The following MAP3K20 variants were observed in gnomAD, a reference collection of about 807,000 sequenced individuals.
MAP3K20 encodes mitogen-activated protein kinase kinase kinase 20.
A neutral mutation model predicts 85.7 loss-of-function variants in MAP3K20; 40 were observed. That is an observed-to-expected ratio of 0.47 (90% CI 0.36 to 0.61). The LOEUF (loss-of-function observed/expected upper bound fraction) is 0.61. Ranked by LOEUF, MAP3K20 falls within the 20% of genes least tolerant of loss-of-function variation. MAP3K20 has a pLI of 0.00. For synonymous variants in MAP3K20, 325 were observed against 327.7 expected (o/e 0.99, Z 0.09); for missense variants, 817 against 961.7 (o/e 0.85, Z 1.99).
intron 16 of MAP3K20, among the ~76,000 whole-genome samples, chr2:173,245,121 C>T (rs1684883653): frequency 2.0e-5 from 3 of 152,010 alleles, no homozygotes; most frequent in South Asian, 2.1e-4. Context: ...TTGAGAAGGA[C>T]CACCCACTAA....
At chr2:173,101,581 T>G (rs1046888538) in intron 2 of MAP3K20, among the ~76,000 whole-genome samples, 1 of 152,192 alleles carries the variant, frequency 6.6e-6, no homozygotes, top group African/African-American at 2.4e-5. Flanking sequence ...GCTAGGCTCT[T>G]GCTATTAGAA....
At chr2:173,244,203 G>A (rs2106341825) in intron 16 of MAP3K20, among the ~76,000 whole-genome samples, 1 of 152,246 alleles carries the variant, frequency 6.6e-6, no homozygotes, top group South Asian at 2.1e-4. Context: ...GTTATAAAGT[G>A]GTGGATCAAA....
chr2:173,218,379 C>T lies in MAP3K20; in HGVS notation c.987+1129C>T, dbSNP rs570904037. 5.4e-4 allele frequency among the ~76,000 whole-genome samples: 82 copies of T among 152,310 alleles called. 2 individuals carry two copies. Among genetic ancestry groups the T allele is most frequent in the African/African-American group, 1.8e-3 (76 of 41,570 alleles). On this transcript the variant is annotated intron_variant, in intron 11 of 19. Transcript: ENST00000375213. ...TTGGAAAAAAAGGACTTTGGTTCTC[C>T]AGGGAATTCCAAAATGAATTGAATT... is the stretch of plus-strand genomic sequence containing the variant.
intron 2 of MAP3K20, among the ~76,000 whole-genome samples, chr2:173,095,278 A>G (rs1302322718): frequency 6.6e-6 from 1 of 152,132 alleles, no homozygotes; most frequent in African/African-American, 2.4e-5. Flanking sequence ...AAGATGTACT[A>G]GGCTCATCTA....
intron 2 of MAP3K20, among the ~76,000 whole-genome samples, chr2:173,157,394 G>T (rs1689510029): frequency 6.8e-6 from 1 of 146,688 alleles, no homozygotes; most frequent in African/African-American, 2.6e-5. Context: ...TTTAGTTACT[G>T]TTTGTGCTGA....
intron 1 of MAP3K20, among the ~76,000 whole-genome samples, chr2:173,084,575 A>C (rs74265828): frequency 0.02 from 3,056 of 152,334 alleles, 55 homozygotes; most frequent in Admixed American, 0.041. Context: ...AAAGAATTAG[A>C]AAATAGGCAA....
At chr2:173,226,335 TA>T in intron 11 of MAP3K20, 1 of 984,798 alleles carries the variant, frequency 1.0e-6, no homozygotes, top group Non-Finnish European at 1.2e-6. Context: ...ATTAATACTT[TA>T]AAAAATTATT....
intron 7 of MAP3K20, among the ~76,000 whole-genome samples, chr2:173,192,433 G>T (rs541700917): frequency 6.6e-6 from 1 of 152,250 alleles, no homozygotes; most frequent in African/African-American, 2.4e-5. Flanking sequence ...TTTCAAGAAT[G>T]AAATATGTTT....
At chr2:173,113,608 T>C (rs1416176578) in intron 2 of MAP3K20, among the ~76,000 whole-genome samples, 1 of 152,186 alleles carries the variant, frequency 6.6e-6, no homozygotes, top group Non-Finnish European at 1.5e-5. Flanking sequence ...GTCATTCAGT[T>C]TGAAAAATTT....
chr2:173,230,639 C>T (rs1684501364), intron 12 of MAP3K20, among the ~76,000 whole-genome samples: 1 of 152,208 alleles, frequency 6.6e-6, no homozygotes, highest in South Asian at 2.1e-4. Context: ...AACAATCCAA[C>T]TTAGTCTGTT....
intron 1 of MAP3K20, chr2:173,090,578 G>T: frequency 1.0e-6 from 1 of 977,496 alleles, no homozygotes; most frequent in Non-Finnish European, 1.2e-6. Flanking sequence ...TGAAGTGAGT[G>T]CAGCGTGGAG....
At chr2:173,090,291 C>T (rs149654561) in intron 1 of MAP3K20, among the ~76,000 whole-genome samples, 101 of 152,306 alleles carry the variant, frequency 6.6e-4, no homozygotes, top group African/African-American at 2.4e-3. Flanking sequence ...AGGGGTAATA[C>T]GTTTCTTTGG....
Position 173,232,306 on chromosome 2 carries a change from A to G in MAP3K20, c.1064-14A>G. Reference sequence around the variant, plus strand: ...TCATCTAATTTTATTCTGCTTTCTAATCACTTCCTTCAGGTGACTCTTCAG... The same window carrying G: ...TCATCTAATTTTATTCTGCTTTCTAGTCACTTCCTTCAGGTGACTCTTCAG... On this transcript the variant is annotated splice_polypyrimidine_tract_variant and intron_variant, in intron 13 of 19. Coordinates refer to ENST00000375213, the MANE Select transcript of MAP3K20 (RefSeq NM_016653.3). The G allele has an allele frequency of 6.2e-7, 1 of 1,614,176 alleles. No homozygotes were observed. Among genetic ancestry groups the G allele is most frequent in the Non-Finnish European group, 8.5e-7 (1 of 1,180,020 alleles).
intron 2 of MAP3K20, among the ~76,000 whole-genome samples, chr2:173,145,664 G>A (rs1689116505): frequency 6.6e-6 from 1 of 152,068 alleles, no homozygotes. Context: ...TGTTTTTGGG[G>A]GGAGTGTGAA....
intron 14 of MAP3K20, among the ~76,000 whole-genome samples, 192 bp downstream of exon 14, chr2:173,232,651 G>GTAA (rs1684550014): frequency 6.6e-6 from 1 of 152,094 alleles, no homozygotes; most frequent in Admixed American, 6.5e-5. Flanking sequence ...TTACAGAAGC[G>GTAA]TGCCACCACA....
At chr2:173,235,069 G>A (rs1351272213) in intron 14 of MAP3K20, among the ~76,000 whole-genome samples, 4 of 152,206 alleles carry the variant, frequency 2.6e-5, no homozygotes, top group Non-Finnish European at 5.9e-5. Flanking sequence ...TGTTGTGGAC[G>A]GACTGGCTGG....
rs187417501 is a variant in MAP3K20, at chr2:173,094,887, A to G, written c.159+3697A>G. Reference sequence around the variant, plus strand: ...TTCCTTTGTAATTAATAATTAAGCTATTGGTAGATACTTTGAAGCTAAGTA... The same window carrying G: ...TTCCTTTGTAATTAATAATTAAGCTGTTGGTAGATACTTTGAAGCTAAGTA... On this transcript the variant is annotated intron_variant, in intron 2 of 19. Coordinates refer to ENST00000375213, the MANE Select transcript of MAP3K20 (RefSeq NM_016653.3). Among the ~76,000 whole-genome samples, 24 of 152,314 alleles carry G rather than the reference A, an allele frequency of 1.6e-4. No individual in the cohort carries two copies. In the East Asian group the frequency reaches 4.4e-3, roughly 28 times the overall value.
intron 11 of MAP3K20, chr2:173,226,038 T>A: frequency 1.0e-6 from 1 of 985,424 alleles, no homozygotes; most frequent in Non-Finnish European, 1.2e-6. Flanking sequence ...TGAAAAGACG[T>A]TGAAAGCCTA....
At chr2:173,141,104 A>C (rs1280993614) in intron 2 of MAP3K20, among the ~76,000 whole-genome samples, 1 of 152,124 alleles carries the variant, frequency 6.6e-6, no homozygotes, top group Non-Finnish European at 1.5e-5. Context: ...TAGTATACTG[A>C]GGCACTTTTT....
Sources: gnomAD v4.1 joint callset for allele counts (sites outside exome capture counted in the v4.1 genomes callset) on GRCh38, gnomAD v4.1.1 for gene constraint, MANE v1.5 for transcripts, NCBI Gene and HGNC (gene_info 2026-07-23, HGNC 2026-07-21) for gene names.